The following SEZ6L variants were observed in gnomAD, a reference collection of about 807,000 sequenced individuals.
SEZ6L encodes seizure related 6 homolog like, also known as seizure 6-like protein.
A neutral mutation model predicts 106.2 loss-of-function variants in SEZ6L; 37 were observed. The ratio of observed to expected loss-of-function variants is 0.35; its 90% CI spans 0.27 to 0.46. The LOEUF (loss-of-function observed/expected upper bound fraction) is 0.46. Ranked by LOEUF, SEZ6L falls within the 20% of genes least tolerant of loss-of-function variation. The probability of loss-of-function intolerance (pLI) is 1.00; values close to 1 mark genes in which losing one functional copy is unlikely to be tolerated. For synonymous variants in SEZ6L, 541 were observed against 570.4 expected (o/e 0.95, Z 0.73); for missense variants, 1,172 against 1,332.8 (o/e 0.88, Z 1.88).
intron 1 of SEZ6L, among the ~76,000 whole-genome samples, chr22:26,190,164 G>A (rs1446601528): frequency 6.6e-6 from 1 of 151,554 alleles, no homozygotes; most frequent in African/African-American, 2.4e-5. Flanking sequence ...TTTAAAGCCC[G>A]CTTTGACCAT....
rs146791647 is a variant in SEZ6L at position 26,302,185 on chromosome 22, C to T, written c.1348+3016C>T. ...CTTCTCTCCTGAGCTCCTCCCCTTACAGCTTCCTTACTCAAAGTGTGGTCC... is the reference window on the plus strand; with the variant it reads ...CTTCTCTCCTGAGCTCCTCCCCTTATAGCTTCCTTACTCAAAGTGTGGTCC... On this transcript the variant is annotated intron_variant, in intron 5 of 16. Transcript: ENST00000248933. Among the ~76,000 whole-genome samples, 10 of 152,348 alleles carry T rather than the reference C, an allele frequency of 6.6e-5. No homozygotes were observed. The East Asian group carries it at 1.9e-3, about 29-fold the overall frequency.
At chr22:26,244,465 C>T (rs1468654785) in intron 1 of SEZ6L, 1 of 152,244 alleles carries the variant, frequency 6.6e-6, no homozygotes. Context: ...GAAAGGTGCT[C>T]TCTGCACACA....
Position 26,302,786 on chromosome 22 carries a change from G to T in SEZ6L, c.1349-3193G>T, listed in dbSNP as rs73158619. On this transcript the variant is annotated intron_variant, in intron 5 of 16. Coordinates refer to ENST00000248933, the MANE Select transcript of SEZ6L (RefSeq NM_021115.5). Reference sequence around the variant, plus strand: ...CTAAGAAAGATGGATGGGGAGCCACGGCTGGCAAATTGAAGCCAAACAGAG... The same window carrying T: ...CTAAGAAAGATGGATGGGGAGCCACTGCTGGCAAATTGAAGCCAAACAGAG... Among the ~76,000 whole-genome samples the T allele has an allele frequency of 3.3e-5, 5 of 152,186 alleles. 1 individual carries two copies. Among genetic ancestry groups the T allele is most frequent in the Admixed American group, 3.3e-4 (5 of 15,274 alleles).
At chr22:26,380,097 C>T (rs1231135257) in intron 16 of SEZ6L, among the ~76,000 whole-genome samples, 169 bp from the exon 17 acceptor site, 12 of 152,198 alleles carry the variant, frequency 7.9e-5, no homozygotes, top group Admixed American at 7.9e-4. Flanking sequence ...CTGTTGTACG[C>T]CATTTCCTTA....
At chr22:26,311,742 C>T (rs1392657759) in intron 7 of SEZ6L, 26 bp from the exon 8 acceptor site, 1 of 1,603,302 alleles carries the variant, frequency 6.2e-7, no homozygotes, top group African/African-American at 1.3e-5. Context: ...ATCATCTGAA[C>T]TGCTGCCTCT....
chr22:26,310,491 G>A (rs1220524255), intron 6 of SEZ6L, among the ~76,000 whole-genome samples, 179 bp from the exon 7 acceptor site: 2 of 152,080 alleles, frequency 1.3e-5, no homozygotes, highest in African/African-American at 2.4e-5. Flanking sequence ...AGCCAAGATC[G>A]CACCATTGAA....
intron 1 of SEZ6L, among the ~76,000 whole-genome samples, chr22:26,256,526 A>C (rs2079826657): frequency 6.6e-6 from 1 of 152,214 alleles, no homozygotes; most frequent in African/African-American, 2.4e-5. Context: ...GGAGAGCTTT[A>C]AAAGACACAG....
At chr22:26,260,775 G>C (rs1174986397) in intron 1 of SEZ6L, among the ~76,000 whole-genome samples, 1 of 152,056 alleles carries the variant, frequency 6.6e-6, no homozygotes, top group Non-Finnish European at 1.5e-5. Context: ...TCAAATGGTA[G>C]TTCTAGTTTT....
intron 3 of SEZ6L, among the ~76,000 whole-genome samples, chr22:26,294,826 T>TCTTG (rs372757123): frequency 1.3e-5 from 2 of 150,850 alleles, no homozygotes; most frequent in African/African-American, 2.5e-5. Flanking sequence ...TCTCTTTCTT[T>TCTTG]CTTGCTTGCT....
At chr22:26,334,049 A>G (rs924556836) in intron 9 of SEZ6L, among the ~76,000 whole-genome samples, 1 of 152,176 alleles carries the variant, frequency 6.6e-6, no homozygotes, top group African/African-American at 2.4e-5. Flanking sequence ...AGATAGACCT[A>G]TAGAGCCTTG....
chr22:26,268,397 C>G (rs1034058998), intron 1 of SEZ6L, among the ~76,000 whole-genome samples: 1 of 152,182 alleles, frequency 6.6e-6, no homozygotes, highest in Non-Finnish European at 1.5e-5. Flanking sequence ...TGAGGCTCAG[C>G]AAGGAGGGGC....
intron 13 of SEZ6L, among the ~76,000 whole-genome samples, chr22:26,373,118 T>C (rs1258088406): frequency 6.6e-6 from 1 of 152,182 alleles, no homozygotes; most frequent in African/African-American, 2.4e-5. Flanking sequence ...GGGATGATAA[T>C]AGCATTGACC....
At chr22:26,288,017 G>A (rs2080992317) in intron 1 of SEZ6L, among the ~76,000 whole-genome samples, 1 of 152,190 alleles carries the variant, frequency 6.6e-6, no homozygotes, top group Admixed American at 6.5e-5. Flanking sequence ...GTACCCTGGG[G>A]GACCCAGAGA....
Position 26,308,392 on chromosome 22 carries a change from T to C in SEZ6L, c.1514+2248T>C, listed in dbSNP as rs889166572. ...GAGGAAAGAGATCTGGGAAGCTAGA[T>C]TGGGGTTATATCCTGAAGGATTTTG... On this transcript the variant is annotated intron_variant, in intron 6 of 16. Transcript: ENST00000248933. Among the ~76,000 whole-genome samples, 7 of 150,754 alleles carry C rather than the reference T, an allele frequency of 4.6e-5. No homozygotes were observed. The East Asian group carries it at 9.6e-4, about 21-fold the overall frequency.
chr22:26,375,178 C>A (rs970173361), intron 14 of SEZ6L, among the ~76,000 whole-genome samples: 3 of 152,156 alleles, frequency 2.0e-5, no homozygotes, highest in African/African-American at 7.2e-5. Flanking sequence ...GGGGTCCAGA[C>A]CCATTCCTGT....
At chr22:26,367,419 C>T (rs2083856074) in intron 13 of SEZ6L, among the ~76,000 whole-genome samples, 1 of 152,124 alleles carries the variant, frequency 6.6e-6, no homozygotes, top group East Asian at 1.9e-4. Context: ...TCATTACTCA[C>T]TGCAGCCTCA....
At chr22:26,174,414 C>T (rs574041454) in intron 1 of SEZ6L, among the ~76,000 whole-genome samples, 8 of 152,218 alleles carry the variant, frequency 5.3e-5, no homozygotes, top group South Asian at 2.1e-4. Flanking sequence ...CACATGCTCA[C>T]GCTCAAAAAA....
chr22:26,184,184 G>C (rs776916446), intron 1 of SEZ6L, among the ~76,000 whole-genome samples: 1 of 152,072 alleles, frequency 6.6e-6, no homozygotes, highest in Non-Finnish European at 1.5e-5. Flanking sequence ...AGCCCATATT[G>C]GCCTATCACT....
intron 7 of SEZ6L, 74 bp downstream of exon 7, chr22:26,310,910 A>T (rs1438488000): frequency 6.8e-7 from 1 of 1,473,446 alleles, no homozygotes; most frequent in Non-Finnish European, 9.3e-7. Flanking sequence ...GCATGGGGAG[A>T]TAGAAATCTG....
Sources: allele counts gnomAD v4.1 joint callset (sites outside exome capture counted in the v4.1 genomes callset), GRCh38; gene constraint gnomAD v4.1.1; transcripts MANE v1.5; gene names NCBI Gene and HGNC (gene_info 2026-07-23, HGNC 2026-07-21).